The following ALK variants were observed in gnomAD, a reference collection of about 807,000 sequenced individuals.
ALK encodes the protein ALK tyrosine kinase receptor.
Under a neutral mutation model 163.1 loss-of-function variants are expected in ALK, and 74 were observed. The observed-to-expected ratio is 0.45, with a 90% CI of 0.38 to 0.55. The LOEUF (loss-of-function observed/expected upper bound fraction) is 0.55, where lower values mean the gene tolerates loss of function less well. ALK is among the 20% of genes least tolerant of loss of function. The probability of loss-of-function intolerance (pLI) is 0.00; values close to 1 mark genes in which losing one functional copy is unlikely to be tolerated. For missense variants in ALK, 2,063 were observed against 2,105.3 expected (o/e 0.98, Z 0.39); for synonymous variants, 960 against 843.2 (o/e 1.14, Z -2.40).
chr2:29,898,166 C>T (rs1667321042), intron 1 of ALK, among the ~76,000 whole-genome samples: 1 of 152,258 alleles, frequency 6.6e-6, no homozygotes, highest in East Asian at 1.9e-4. Flanking sequence ...CCTTCCCCAG[C>T]CCCAGGCAGC....
chr2:29,819,520 C>T (rs1344178178), intron 1 of ALK, among the ~76,000 whole-genome samples: 1 of 152,250 alleles, frequency 6.6e-6, no homozygotes, highest in Non-Finnish European at 1.5e-5. Flanking sequence ...GATGACTGGG[C>T]GATGCCCTGG....
intron 13 of ALK, among the ~76,000 whole-genome samples, chr2:29,239,290 C>T (rs1444102659): frequency 6.6e-6 from 1 of 152,174 alleles, no homozygotes; most frequent in Non-Finnish European, 1.5e-5. Context: ...ATCTCTCTGC[C>T]AAGGATGTTC....
At chr2:29,375,609 G>A (rs903046124) in intron 5 of ALK, among the ~76,000 whole-genome samples, 1 of 152,074 alleles carries the variant, frequency 6.6e-6, no homozygotes, top group South Asian at 2.1e-4. Context: ...GAGCCACTGC[G>A]CCTGGCCTAT....
intron 2 of ALK, among the ~76,000 whole-genome samples, chr2:29,713,318 A>G (rs1343170624): frequency 6.6e-6 from 1 of 152,196 alleles, no homozygotes; most frequent in Non-Finnish European, 1.5e-5. Flanking sequence ...GTACTAGGGC[A>G]TTAGAACTTT....
At chr2:29,852,075 T>A (rs569483029) in intron 1 of ALK, among the ~76,000 whole-genome samples, 1 of 152,300 alleles carries the variant, frequency 6.6e-6, no homozygotes. Context: ...CAAAAACTCA[T>A]CGATTTTTCT....
intron 8 of ALK, among the ~76,000 whole-genome samples, chr2:29,298,234 G>C (rs927257830): frequency 1.3e-5 from 2 of 152,226 alleles, no homozygotes; most frequent in Admixed American, 1.3e-4. Flanking sequence ...TATAACCACA[G>C]ACACTTCACT....
intron 3 of ALK, among the ~76,000 whole-genome samples, chr2:29,619,149 C>T (rs952410209): frequency 6.6e-6 from 1 of 152,168 alleles, no homozygotes; most frequent in Non-Finnish European, 1.5e-5. Context: ...AGCTGACTTG[C>T]AATAGTACCA....
At chr2:29,816,521 G>A (rs1184824576) in intron 1 of ALK, among the ~76,000 whole-genome samples, 3 of 152,240 alleles carry the variant, frequency 2.0e-5, no homozygotes, top group African/African-American at 7.2e-5. Flanking sequence ...CAAGAAAGGC[G>A]ATTCTAAAAG....
At chr2:29,831,196 AGGG>A (rs1445304876) in intron 1 of ALK, among the ~76,000 whole-genome samples, 5,637 of 62,628 alleles carry the variant, frequency 0.09, 1,661 homozygotes, top group East Asian at 0.32. Flanking sequence ...GGGAAGGGGA[AGGG>A]GAAGGGGAAG....
intron 1 of ALK, among the ~76,000 whole-genome samples, chr2:29,872,397 C>A (rs1030127834): frequency 6.6e-6 from 1 of 152,170 alleles, no homozygotes; most frequent in Non-Finnish European, 1.5e-5. Flanking sequence ...GGGGTTATGT[C>A]CTGATAAACC....
chr2:29,209,103 G>A (rs749070052), intron 25 of ALK, among the ~76,000 whole-genome samples: 7 of 148,174 alleles, frequency 4.7e-5, no homozygotes, highest in Non-Finnish European at 1.0e-4. Context: ...AGAAGCCATA[G>A]CCACTTAGAA....
intron 4 of ALK, among the ~76,000 whole-genome samples, chr2:29,468,481 C>T (rs1424270111): frequency 6.6e-6 from 1 of 151,992 alleles, no homozygotes; most frequent in Admixed American, 6.6e-5. Context: ...GGCTTGCTAG[C>T]GATATGAGCC....
At chr2:29,217,420 T>G (rs574001102) in intron 23 of ALK, among the ~76,000 whole-genome samples, 64 of 151,892 alleles carry the variant, frequency 4.2e-4, no homozygotes, top group Admixed American at 4.1e-3. Flanking sequence ...CTGTGGACAT[T>G]GGCAAACCCG....
At chr2:29,445,495 G>A (rs1670650519) in intron 4 of ALK, among the ~76,000 whole-genome samples, 1 of 152,218 alleles carries the variant, frequency 6.6e-6, no homozygotes, top group African/African-American at 2.4e-5. Context: ...GCAGTGTGGT[G>A]TCTGAAGAGG....
chr2:29,809,046 G>A (rs1664686160), intron 1 of ALK, among the ~76,000 whole-genome samples: 1 of 152,190 alleles, frequency 6.6e-6, no homozygotes, highest in East Asian at 1.9e-4. Context: ...CACCAAACCA[G>A]TGGAATAATG....
chr2:29,265,114 G>C (rs529763513), intron 11 of ALK, among the ~76,000 whole-genome samples: 40 of 152,180 alleles, frequency 2.6e-4, no homozygotes, highest in African/African-American at 8.2e-4. Flanking sequence ...CTGCTTCCTG[G>C]GTTCAAGTGA....
intron 3 of ALK, among the ~76,000 whole-genome samples, chr2:29,614,744 G>A (rs1375202908): frequency 6.6e-6 from 1 of 151,972 alleles, no homozygotes; most frequent in African/African-American, 2.4e-5. Flanking sequence ...GGCCTGCATG[G>A]CTCCTGTTGG....
intron 3 of ALK, among the ~76,000 whole-genome samples, chr2:29,565,719 C>T (rs982315552): frequency 2.0e-5 from 3 of 152,128 alleles, no homozygotes; most frequent in African/African-American, 4.8e-5. Flanking sequence ...AGCCTCACCT[C>T]GCCTCAGCAC....
chr2:29,471,381 G>T (rs1671343060), intron 4 of ALK, among the ~76,000 whole-genome samples: 1 of 152,176 alleles, frequency 6.6e-6, no homozygotes. Flanking sequence ...AGATGCAAAA[G>T]TTCTAGACAA....
Sources: gnomAD v4.1 joint callset for allele counts (sites outside exome capture counted in the v4.1 genomes callset) on GRCh38, gnomAD v4.1.1 for gene constraint, MANE v1.5 for transcripts, NCBI Gene and HGNC (gene_info 2026-07-23, HGNC 2026-07-21) for gene names.